The following CENPO variants were observed in gnomAD, a reference collection of about 807,000 sequenced individuals.
CENPO encodes the protein centromeric protein O.
In CENPO, 30 loss-of-function variants were observed where a neutral mutation model predicts 36.1. The ratio of observed to expected loss-of-function variants is 0.83; its 90% CI spans 0.62 to 1.13. The LOEUF (loss-of-function observed/expected upper bound fraction) is 1.13, where lower values mean the gene tolerates loss of function less well. CENPO is among the 50% of genes most tolerant of loss of function. CENPO has a pLI of 0.00. For missense variants in CENPO, 349 were observed against 357.8 expected (o/e 0.98, Z 0.20); for synonymous variants, 171 against 142.3 (o/e 1.20, Z -1.44).
chr2:24,820,870 C>A lies in CENPO; in HGVS notation c.*1552C>A, dbSNP rs369108612. On this transcript the variant is annotated 3_prime_UTR_variant, in exon 8 of 8. Coordinates refer to ENST00000380834, the MANE Select transcript of CENPO (RefSeq NM_001322101.2). ...ATGCCTAGGGTAGAGGCATAAAGTT[C>A]AGCACAGCCACAGGCCACACCTTGT... 3 of 1,612,514 alleles carry A rather than the reference C, an allele frequency of 1.9e-6. No homozygotes were observed. The highest frequency in any genetic ancestry group is 1.7e-6 in the Non-Finnish European group (2 of 1,179,044).
chr2:24,794,107 G>A (rs1665770393), intron 2 of CENPO, 142 bp downstream of exon 2: 2 of 717,432 alleles, frequency 2.8e-6, no homozygotes, highest in Non-Finnish European at 5.0e-6. Context: ...TGAAGACAAA[G>A]GGACAGGCAG....
At chr2:24,817,546 G>A (rs920708123) in intron 6 of CENPO, 124 bp from the exon 7 acceptor site, 8 of 1,249,554 alleles carry the variant, frequency 6.4e-6, no homozygotes, top group Non-Finnish European at 9.0e-6. Context: ...CACTGAGTGA[G>A]ATTGAATGTC....
intron 4 of CENPO, 199 bp downstream of exon 4, chr2:24,814,692 T>TG (rs1489951868): frequency 5.4e-6 from 3 of 559,826 alleles, no homozygotes. Flanking sequence ...ACCTACAAGA[T>TG]TGACTGGCCC....
intron 2 of CENPO, among the ~76,000 whole-genome samples, chr2:24,797,960 G>A (rs1665985763): frequency 1.3e-5 from 2 of 152,160 alleles, no homozygotes; most frequent in Admixed American, 6.6e-5. Context: ...GAGCACTGAA[G>A]ATCCAAAATC....
chr2:24,803,295 A>AT (rs1230699704), intron 3 of CENPO, among the ~76,000 whole-genome samples: 3 of 137,518 alleles, frequency 2.2e-5, no homozygotes, highest in East Asian at 2.1e-4. Context: ...GGATTCATTG[A>AT]TTTTTTGAAG....
At chr2:24,817,156 C>T (rs538622565) in intron 6 of CENPO, among the ~76,000 whole-genome samples, 1 of 152,140 alleles carries the variant, frequency 6.6e-6, no homozygotes, top group South Asian at 2.1e-4. Context: ...GTGGATGGAG[C>T]CAGAAGACTC....
intron 2 of CENPO, 60 bp from the exon 3 acceptor site, chr2:24,799,615 C>T (rs1666070575): frequency 2.1e-6 from 3 of 1,395,990 alleles, no homozygotes; most frequent in East Asian, 2.4e-5. Context: ...TGAGATGCTT[C>T]CTGTTGCCAC....
chr2:24,807,819 C>A (rs1225705492), intron 3 of CENPO, among the ~76,000 whole-genome samples: 1 of 152,172 alleles, frequency 6.6e-6, no homozygotes, highest in Non-Finnish European at 1.5e-5. Flanking sequence ...AAAAATTTGT[C>A]ATTCTGGTGG....
At position 24,817,743 on chromosome 2, in the gene CENPO, G is replaced by C. The variant is rs202228565; in HGVS notation, c.840G>C (p.Leu280Phe). The C allele has an allele frequency of 1.7e-5, 27 of 1,614,248 alleles. No individual in the cohort carries two copies. Among genetic ancestry groups the C allele is most frequent in the Non-Finnish European group, 2.0e-5 (24 of 1,180,048 alleles). The change falls in exon 7 of 8, where the codon TTG (leucine) becomes TTC (phenylalanine). Residue 280 changes from leucine (L) to phenylalanine (F), a missense_variant. Transcript: ENST00000380834. ...AAACTCTGTTCTGTACGAAGCCCTT[G>C]CATCAAGTGTTTGCCTCATTTACAA... ...SHETLFCTKP[L>F]HQVFASFTRK...
intron 3 of CENPO, among the ~76,000 whole-genome samples, chr2:24,812,319 A>G (rs1666729150): frequency 6.6e-6 from 1 of 152,056 alleles, no homozygotes; most frequent in African/African-American, 2.4e-5. Context: ...TTGTGAATAT[A>G]ATATGTCTTT....
Position 24,817,850 on chromosome 2 carries a change from C to T in CENPO, c.*35+9C>T. On this transcript the variant is annotated intron_variant, in intron 7 of 7. Transcript: ENST00000380834. ...CTGGGAGCACATCAGAGGTAAGTAA[C>T]CAGTACTGAAGACAGTACCAGGTGG... The T allele has an allele frequency of 6.2e-7, 1 of 1,611,890 alleles. No homozygotes were observed. The highest frequency in any genetic ancestry group is 1.1e-5 in the South Asian group (1 of 90,930).
At chr2:24,797,021 C>T (rs554521244) in intron 2 of CENPO, among the ~76,000 whole-genome samples, 1 of 152,270 alleles carries the variant, frequency 6.6e-6, no homozygotes, top group South Asian at 2.1e-4. Flanking sequence ...AAGGCTTTAG[C>T]CAGCTGGATG....
chr2:24,807,215 C>T (rs1666445890), intron 3 of CENPO, among the ~76,000 whole-genome samples: 1 of 151,966 alleles, frequency 6.6e-6, no homozygotes, highest in African/African-American at 2.4e-5. Flanking sequence ...TGCACTATGA[C>T]AGAGATTAAA....
In CENPO at chr2:24,819,761, A is replaced by C. The variant is rs111660968; in HGVS notation, c.*443A>C. 7.3e-5 allele frequency: 50 copies of C among 684,436 alleles called. No homozygotes were observed. The highest frequency in any genetic ancestry group is 6.6e-4 in the African/African-American group (36 of 54,920). 42.4% of individuals were successfully genotyped at this position (684,436 alleles called of 1,614,324 possible). On this transcript the variant is annotated 3_prime_UTR_variant, in exon 8 of 8. Coordinates refer to ENST00000380834, the MANE Select transcript of CENPO (RefSeq NM_001322101.2). ...GGGGACACTACAGGCACACACAGGA[A>C]TAGCAGGGCCACCCTCAGAGCTCAC...
Position 24,820,415 on chromosome 2 carries a change from C to T in CENPO, c.*1097C>T. ...ACTGCCACTGCCTGCTCTTCTGTCC[C>T]TTTGCCCCTTTCGTGGAGCTTTTCT... On this transcript the variant is annotated 3_prime_UTR_variant, in exon 8 of 8. Transcript: ENST00000380834. The T allele has an allele frequency of 1.5e-6, 2 of 1,328,782 alleles. No individual in the cohort carries two copies. Among genetic ancestry groups the T allele is most frequent in the Non-Finnish European group, 1.9e-6 (2 of 1,042,782 alleles). The allele number at this position is 1,328,782 out of a possible 1,614,324, so 82.3% of individuals were successfully genotyped here.
In CENPO at chr2:24,820,286, G is replaced by A. The variant is rs1403809540; in HGVS notation, c.*968G>A. ...CTTCCACCCGTGGCGAGCAGCGGGT[G>A]GGAAGGAGAACCCTGGAGTGACTGG... On this transcript the variant is annotated 3_prime_UTR_variant, in exon 8 of 8. Coordinates refer to ENST00000380834, the MANE Select transcript of CENPO (RefSeq NM_001322101.2). 42 of 1,266,082 alleles carry A rather than the reference G, an allele frequency of 3.3e-5. No individual in the cohort carries two copies. The highest frequency in any genetic ancestry group is 4.2e-5 in the Non-Finnish European group (41 of 975,894). 78.4% of individuals were successfully genotyped at this position (1,266,082 alleles called of 1,614,324 possible). A position where few individuals can be genotyped will look rare whatever the true frequency, so the allele number is the denominator to read the frequency against.
rs149023980 is a variant in CENPO at position 24,815,604 on chromosome 2, C to T, written c.442C>T (p.Leu148Phe). ...YFVDLVIQKPLRIHHHSVPVF... is the reference protein window; with the variant it reads ...YFVDLVIQKPFRIHHHSVPVF... ...TGTGGACCTTGTCATACAGAAACCA[C>T]TCCGGATACATCACCATTCAGTCCC... The change falls in exon 5 of 8, where the codon CTC becomes TTC. Residue 148 changes from leucine (L) to phenylalanine (F), a missense_variant. Physicochemically the swap from Leu to Phe is conservative, Grantham distance 22 (BLOSUM62 0). Coordinates refer to ENST00000380834, the MANE Select transcript of CENPO (RefSeq NM_001322101.2). The T allele has an allele frequency of 1.3e-4, 216 of 1,614,114 alleles. No homozygotes were observed. The highest frequency in any genetic ancestry group is 4.9e-4 in the Middle Eastern group (3 of 6,062).
In CENPO at chr2:24,796,442, C is replaced by T. The variant is rs968846400; in HGVS notation, c.46+2477C>T. ...ATCCATGGGTGAACACAAATGCACA[C>T]GGTCCCTGATTTTGGAACTTTAAGG... On this transcript the variant is annotated intron_variant, in intron 2 of 7. Transcript: ENST00000380834. Among the ~76,000 whole-genome samples the T allele has an allele frequency of 5.3e-5, 8 of 152,062 alleles. No homozygotes were observed. The East Asian group carries it at 9.6e-4, about 18-fold the overall frequency.
chr2:24,820,419 G>T lies in CENPO; in HGVS notation c.*1101G>T, dbSNP rs1667429117. 1 of 1,326,704 alleles carries T rather than the reference G, an allele frequency of 7.5e-7. No homozygotes were observed. Among genetic ancestry groups the T allele is most frequent in the Non-Finnish European group, 9.6e-7 (1 of 1,041,586 alleles). The allele number at this position is 1,326,704 out of a possible 1,614,324, so 82.2% of individuals were successfully genotyped here. ...CCACTGCCTGCTCTTCTGTCCCTTT[G>T]CCCCTTTCGTGGAGCTTTTCTGCCA... On this transcript the variant is annotated 3_prime_UTR_variant, in exon 8 of 8. Coordinates refer to ENST00000380834, the MANE Select transcript of CENPO (RefSeq NM_001322101.2).
Sources: allele counts gnomAD v4.1 joint callset (sites outside exome capture counted in the v4.1 genomes callset), GRCh38; gene constraint gnomAD v4.1.1; transcripts MANE v1.5; gene names NCBI Gene and HGNC (gene_info 2026-07-23, HGNC 2026-07-21).